The following NPR3 variants were observed in gnomAD, a reference collection of about 807,000 sequenced individuals.
NPR3 encodes natriuretic peptide receptor 3, also known as atrial natriuretic peptide receptor 3.
A neutral mutation model predicts 54.5 loss-of-function variants in NPR3; 34 were observed. The observed-to-expected ratio is 0.62, with a 90% CI of 0.47 to 0.83. The LOEUF (loss-of-function observed/expected upper bound fraction) is 0.83, where lower values mean the gene tolerates loss of function less well. Among genes scored for constraint, NPR3 ranks in the 40% least tolerant of loss-of-function variants. The pLI, the probability that NPR3 is intolerant of heterozygous loss-of-function variation, is 0.00. For missense variants in NPR3, 674 were observed against 720.8 expected, an observed-to-expected ratio of 0.94 and a Z score of 0.74; for synonymous variants, 289 against 297.1, an observed-to-expected ratio of 0.97 and a Z score of 0.28.
intron 3 of NPR3, among the ~76,000 whole-genome samples, chr5:32,757,062 G>A (rs1005724061): frequency 2.4e-4 from 37 of 152,268 alleles, no homozygotes; most frequent in Admixed American, 1.9e-3. Flanking sequence ...TGTTCTTTTG[G>A]CTTAGGATTG....
intron 4 of NPR3, among the ~76,000 whole-genome samples, chr5:32,779,160 A>G (rs1323689269): frequency 6.6e-6 from 1 of 152,158 alleles, no homozygotes; most frequent in Non-Finnish European, 1.5e-5. Flanking sequence ...GCCACACTAG[A>G]GGTTGGAACT....
At chr5:32,727,481 G>A (rs560694757) in intron 2 of NPR3, among the ~76,000 whole-genome samples, 23 of 152,290 alleles carry the variant, frequency 1.5e-4, no homozygotes, top group African/African-American at 5.1e-4. Context: ...AGCAAAGTAT[G>A]TGATTATCTG....
chr5:32,700,904 A>G (rs1389177534), intron 1 of NPR3, among the ~76,000 whole-genome samples: 3 of 152,184 alleles, frequency 2.0e-5, no homozygotes, highest in Admixed American at 2.0e-4. Context: ...TCTCCTGGGT[A>G]TATACCCAGT....
intron 3 of NPR3, among the ~76,000 whole-genome samples, chr5:32,741,860 G>A (rs1300947275): frequency 6.6e-6 from 1 of 151,806 alleles, no homozygotes; most frequent in Non-Finnish European, 1.5e-5. Context: ...GGAGTAGGTG[G>A]GATTACAGGT....
In NPR3 at chr5:32,787,180, A is replaced by G. The variant is rs1049690645; in HGVS notation, c.*835A>G. The G allele has an allele frequency of 5.9e-5, 9 of 152,648 alleles. No homozygotes were observed. Among genetic ancestry groups the G allele is most frequent in the Admixed American group, 6.5e-5 (1 of 15,274 alleles). The allele number at this position is 152,648 out of a possible 1,614,324, so 9.5% of individuals were successfully genotyped here. ...GGGTGAAGTGTACAACAAACCAATA[A>G]TGATAAAAAATACTTCTCTTTTTCT... On this transcript the variant is annotated 3_prime_UTR_variant, in exon 8 of 8. Coordinates refer to ENST00000265074, the MANE Select transcript of NPR3 (RefSeq NM_001204375.2).
Position 32,775,291 on chromosome 5 carries a change from TGC to T in NPR3, c.1195+449_1195+450del, listed in dbSNP as rs1429933675. On this transcript the variant is annotated intron_variant, in intron 4 of 7. Transcript: ENST00000265074. ...GATTAGCAGGTTCAATTGAGGCCTC[TGC>T]ATTTTTTTTTTTTTTTTGAGACGGA... Among the ~76,000 whole-genome samples, 47 of 118,418 alleles carry T rather than the reference TGC, an allele frequency of 4.0e-4. 2 individuals carry two copies. The South Asian group carries it at 0.013, about 32-fold the overall frequency. The allele number at this position is 118,418 out of a possible 152,430, so 77.7% of individuals were successfully genotyped here. A position where few individuals can be genotyped will look rare whatever the true frequency, so the allele number is the denominator to read the frequency against.
At position 32,738,811 on chromosome 5, in the gene NPR3, G is replaced by A. The variant is rs1739886078; in HGVS notation, c.893-53G>A. On this transcript the variant is annotated intron_variant, in intron 2 of 7. Coordinates refer to ENST00000265074, the MANE Select transcript of NPR3 (RefSeq NM_001204375.2). ...GCCTCACAGTTGTGAAGGGAGAATG[G>A]CCTCTTTATGGTGGCTGGCTTGGAA... 2.0e-6 allele frequency: 3 copies of A among 1,526,738 alleles called. No individual in the cohort carries two copies. In the South Asian group the frequency reaches 3.5e-5, roughly 18 times the overall value. The allele number at this position is 1,526,738 out of a possible 1,614,324, so 94.6% of individuals were successfully genotyped here.
At chr5:32,751,433 G>C (rs112720062) in intron 3 of NPR3, among the ~76,000 whole-genome samples, 19 of 152,308 alleles carry the variant, frequency 1.2e-4, no homozygotes, top group African/African-American at 4.3e-4. Flanking sequence ...CCAAAGGAGG[G>C]AAGGCAGGGT....
At chr5:32,699,583 T>G (rs1321599141) in intron 1 of NPR3, among the ~76,000 whole-genome samples, 1 of 152,218 alleles carries the variant, frequency 6.6e-6, no homozygotes, top group African/African-American at 2.4e-5. Context: ...CTCTGCACTT[T>G]AACTTCATCC....
At chr5:32,761,505 A>G (rs1741160798) in intron 3 of NPR3, among the ~76,000 whole-genome samples, 1 of 152,124 alleles carries the variant, frequency 6.6e-6, no homozygotes, top group East Asian at 1.9e-4. Context: ...TGATTTTTAT[A>G]TACTGGTGTT....
At chr5:32,721,494 T>G (rs1484200682) in intron 1 of NPR3, among the ~76,000 whole-genome samples, 1 of 152,012 alleles carries the variant, frequency 6.6e-6, no homozygotes, top group Non-Finnish European at 1.5e-5. Flanking sequence ...AGAACGAAAA[T>G]TAGCCGGGTG....
chr5:32,707,746 G>A (rs1322633072), upstream of NPR3, among the ~76,000 whole-genome samples: 2 of 152,180 alleles, frequency 1.3e-5, no homozygotes, highest in African/African-American at 4.8e-5. Context: ...TTGCAGCCAG[G>A]ATGCCAAGGG....
chr5:32,728,833 GTGTGTATATATATATATATA>G lies in NPR3; in HGVS notation c.892+4015_892+4034del, dbSNP rs1217378600. On this transcript the variant is annotated intron_variant, in intron 2 of 7. Transcript: ENST00000265074. The stretch of plus-strand genomic sequence containing the variant: ...GGAATATTTGTGTGTGTGTGTGTGT[GTGTGTATATATATATATATA>G]TATATATATATATATATATATATGT... Among the ~76,000 whole-genome samples, 48 of 64,060 alleles carry G rather than the reference GTGTGTATATATATATATATA, an allele frequency of 7.5e-4. 1 individual carries two copies. The highest frequency in any genetic ancestry group is 8.9e-3 in the Middle Eastern group (1 of 112). 42.0% of individuals were successfully genotyped at this position (64,060 alleles called of 152,430 possible).
intron 1 of NPR3, among the ~76,000 whole-genome samples, chr5:32,702,786 A>T (rs1413849245): frequency 1.3e-5 from 2 of 152,108 alleles, no homozygotes; most frequent in Non-Finnish European, 2.9e-5. Flanking sequence ...CAGTAATGGG[A>T]TGGCTGGGTC....
intron 1 of NPR3, among the ~76,000 whole-genome samples, chr5:32,721,940 CTCT>C (rs924044554): frequency 6.6e-6 from 1 of 152,190 alleles, no homozygotes; most frequent in African/African-American, 2.4e-5. Flanking sequence ...GTCTCTCTTC[CTCT>C]TCTTCTAAAC....
At chr5:32,749,208 C>A (rs945357964) in intron 3 of NPR3, among the ~76,000 whole-genome samples, 1 of 151,508 alleles carries the variant, frequency 6.6e-6, no homozygotes, top group African/African-American at 2.4e-5. Context: ...TTTTTTCTTT[C>A]TAAGGGCAAC....
intron 4 of NPR3, among the ~76,000 whole-genome samples, chr5:32,777,229 G>C (rs1742100382): frequency 1.3e-5 from 2 of 152,152 alleles, no homozygotes; most frequent in African/African-American, 4.8e-5. Context: ...TGTTTAAAAG[G>C]GGTCCTTATG....
At position 32,701,082 on chromosome 5, in the gene NPR3, C is replaced by T. The variant is rs990079090; in HGVS notation, c.100+11896C>T. 4.3e-4 allele frequency among the ~76,000 whole-genome samples: 66 copies of T among 152,282 alleles called. 1 individual carries two copies. Among genetic ancestry groups the T allele is most frequent in the African/African-American group, 1.5e-3 (61 of 41,562 alleles). ...TGTTATTTCCTGACTTTTTAATGAT[C>T]ACCATTCTAACTGGCGCGAGATGGT... On this transcript the variant is annotated intron_variant, in intron 1 of 5. Coordinates refer to the NPR3 transcript ENST00000509104.
Position 32,712,275 on chromosome 5 carries a change from A to G in NPR3, c.499A>G (p.Lys167Glu). ...GGCGCTGGCCGCTGGCTTCCAGCAC[A>G]AGGACTCTGAGTACTCGCACCTCAC... is the stretch of plus-strand genomic sequence containing the variant. Reference protein sequence around the residue: ...AGALAAGFQHKDSEYSHLTRV... With the variant: ...AGALAAGFQHEDSEYSHLTRV... The change falls in exon 1 of 8, where the codon AAG (lysine) becomes GAG (glutamate). Residue 167 changes from lysine to glutamate, a missense_variant. Physicochemically the swap from Lys to Glu is moderately conservative, Grantham distance 56. Transcript: ENST00000265074. 1.2e-6 allele frequency: 2 copies of G among 1,612,998 alleles called. No individual in the cohort carries two copies. The highest frequency in any genetic ancestry group is 2.2e-5 in the East Asian group (1 of 44,856).
Sources: allele counts gnomAD v4.1 joint callset (sites outside exome capture counted in the v4.1 genomes callset), GRCh38; gene constraint gnomAD v4.1.1; transcripts MANE v1.5; gene names NCBI Gene and HGNC (gene_info 2026-07-23, HGNC 2026-07-21).